SNX4: variants seen among roughly 807,000 people sequenced by gnomAD.
The protein encoded by SNX4 is sorting nexin 4, also known as sorting nexin-4.
A neutral mutation model predicts 70.8 loss-of-function variants in SNX4; 49 were observed. The observed-to-expected ratio is 0.69, with a 90% CI of 0.55 to 0.88. The LOEUF is 0.88. SNX4 is among the 40% of genes least tolerant of loss of function. The pLI is 0.00. For missense variants in SNX4, 528 were observed against 544.8 expected (o/e 0.97, Z 0.31); for synonymous variants, 206 against 183.8 (o/e 1.12, Z -0.98).
At chr3:125,466,841 T>G (rs1934035251) in intron 9 of SNX4, among the ~76,000 whole-genome samples, 1 of 151,972 alleles carries the variant, frequency 6.6e-6, no homozygotes. Context: ...TCCCAGCACT[T>G]TGGGAGGCTG....
chr3:125,515,418 T>C (rs1261881881), intron 1 of SNX4, among the ~76,000 whole-genome samples: 1 of 151,338 alleles, frequency 6.6e-6, no homozygotes, highest in African/African-American at 2.4e-5. Context: ...TCCCAGCAAT[T>C]TGGGGGGCTG....
At chr3:125,456,239 C>T (rs188117197) in intron 11 of SNX4, among the ~76,000 whole-genome samples, 167 of 152,232 alleles carry the variant, frequency 1.1e-3, no homozygotes, top group Non-Finnish European at 2.0e-3. Context: ...ATCAAAAGCT[C>T]CCTGTTAGGC....
intron 10 of SNX4, 72 bp from the exon 11 acceptor site, chr3:125,457,437 G>A (rs1933751395): frequency 3.5e-6 from 4 of 1,139,668 alleles, no homozygotes; most frequent in East Asian, 2.4e-5. Flanking sequence ...AAGGGTAGAG[G>A]AGAACCATTC....
chr3:125,487,273 A>G (rs1356566332), intron 6 of SNX4, among the ~76,000 whole-genome samples: 1 of 152,176 alleles, frequency 6.6e-6, no homozygotes, highest in Non-Finnish European at 1.5e-5. Context: ...CCTGTTACTA[A>G]TTACACAGCA....
At chr3:125,474,461 GCATGTGC>G (rs527346008) in intron 8 of SNX4, among the ~76,000 whole-genome samples, 219 of 152,018 alleles carry the variant, frequency 1.4e-3, no homozygotes, top group Non-Finnish European at 2.2e-3. Flanking sequence ...AGGACTATAG[GCATGTGC>G]CACCATGCCT....
At chr3:125,474,221 GGCAACT>G (rs537206068) in intron 8 of SNX4, among the ~76,000 whole-genome samples, 170 of 152,228 alleles carry the variant, frequency 1.1e-3, no homozygotes, top group Non-Finnish European at 2.1e-3. Context: ...ATTCTTCACT[GGCAACT>G]GCTGTAGTTC....
At chr3:125,492,262 C>T (rs1934679521) in intron 5 of SNX4, among the ~76,000 whole-genome samples, 1 of 152,162 alleles carries the variant, frequency 6.6e-6, no homozygotes, top group Non-Finnish European at 1.5e-5. Flanking sequence ...CCAGTCTGGG[C>T]CTCCCTCTGA....
rs145387134 is a variant in SNX4 at position 125,504,110 on chromosome 3, C to T, written c.263+513G>A. Among the ~76,000 whole-genome samples the T allele has an allele frequency of 1.5e-3, 227 of 152,158 alleles. No individual in the cohort carries two copies. In the East Asian group the frequency reaches 0.017, roughly 11 times the overall value. On this transcript the variant is annotated intron_variant, in intron 2 of 13. Transcript: ENST00000251775. ...CTTTGGGAGGCCGAGGCGGGTGGAT[C>T]GTTTGAGATCAGGAGTTTGAGACCA...
At chr3:125,476,470 C>T (rs1005215563) in intron 8 of SNX4, among the ~76,000 whole-genome samples, 3 of 151,972 alleles carry the variant, frequency 2.0e-5, no homozygotes, top group Non-Finnish European at 4.4e-5. Flanking sequence ...ACTGGGGAGG[C>T]TGAGGCAGGA....
intron 9 of SNX4, among the ~76,000 whole-genome samples, chr3:125,464,398 G>T (rs910243471): frequency 6.6e-6 from 1 of 150,434 alleles, no homozygotes; most frequent in African/African-American, 2.4e-5. Context: ...ACAATTATGT[G>T]TATGAGCCGA....
At chr3:125,483,956 G>A (rs1156836197) in intron 6 of SNX4, among the ~76,000 whole-genome samples, 1 of 152,164 alleles carries the variant, frequency 6.6e-6, no homozygotes, top group Non-Finnish European at 1.5e-5. Context: ...AAATATTAAA[G>A]ACTAAAAATC....
In SNX4 at chr3:125,494,033, T is replaced by C. The variant is rs558331810; in HGVS notation, c.597+3308A>G. On this transcript the variant is annotated intron_variant, in intron 5 of 13. Coordinates refer to ENST00000251775, the MANE Select transcript of SNX4 (RefSeq NM_003794.4). ...GCCGGGGCGACAGAGCAAGACTCCA[T>C]CTCAAAAAAAAAAAAAAGAAAATAT... 6.4e-3 allele frequency among the ~76,000 whole-genome samples: 646 copies of C among 101,394 alleles called. 3 individuals carry two copies. Among genetic ancestry groups the C allele is most frequent in the African/African-American group, 0.029 (607 of 21,072 alleles). The allele number at this position is 101,394 out of a possible 152,430, so 66.5% of individuals were successfully genotyped here.
intron 2 of SNX4, among the ~76,000 whole-genome samples, chr3:125,500,799 C>CAAAAAAAAAAAAAAAAAAAAAAAAAA (rs770336677): frequency 6.8e-5 from 2 of 29,316 alleles, no homozygotes; most frequent in Non-Finnish European, 5.9e-5. Flanking sequence ...GACTCCGTCT[C>CAAAAAAAAAAAAAAAAAAAAAAAAAA]AAAAAAAAAA....
At chr3:125,448,733 T>C (rs1280606037) in intron 13 of SNX4, among the ~76,000 whole-genome samples, 1 of 141,186 alleles carries the variant, frequency 7.1e-6, no homozygotes, top group Non-Finnish European at 1.5e-5. Context: ...TGGAGTGCAG[T>C]GGCGCGATCT....
intron 5 of SNX4, 44 bp from the exon 6 acceptor site, chr3:125,489,507 G>T: frequency 1.3e-6 from 2 of 1,496,110 alleles, no homozygotes; most frequent in Non-Finnish European, 1.9e-6. Flanking sequence ...ACATTTCAGG[G>T]TATAAAATTC....
rs751243460 is a variant in SNX4 at position 125,476,720 on chromosome 3, G to A, written c.763C>T (p.His255Tyr). The A allele has an allele frequency of 1.3e-6, 2 of 1,597,446 alleles. No homozygotes were observed. Among genetic ancestry groups the A allele is most frequent in the Admixed American group, 3.4e-5 (2 of 59,034 alleles). Residue 255 changes from histidine (H) to tyrosine (Y), a missense_variant, in exon 8 of 14, where the codon CAT becomes TAT. Physicochemically the swap from His to Tyr is moderately conservative, Grantham distance 83. Coordinates refer to ENST00000251775, the MANE Select transcript of SNX4 (RefSeq NM_003794.4). ...CTGAAAACTCGACCATAATTCCCAT[G>A]TACTTTATATACACCATAGAGTCGA... ...ADRLYGVYKVHGNYGRVFSEW... is the reference protein window; with the variant it reads ...ADRLYGVYKVYGNYGRVFSEW...
intron 1 of SNX4, among the ~76,000 whole-genome samples, chr3:125,507,772 A>C (rs551023165): frequency 6.6e-6 from 1 of 152,296 alleles, no homozygotes; most frequent in East Asian, 1.9e-4. Flanking sequence ...TATATCTAGC[A>C]AACTGTCCTT....
chr3:125,464,564 CTTTTTTTTTTTTTTTT>C lies in SNX4; in HGVS notation c.855-3720_855-3705del, dbSNP rs778518316. Among the ~76,000 whole-genome samples the C allele has an allele frequency of 1.9e-4, 13 of 67,056 alleles. 1 individual carries two copies. The South Asian group carries it at 2.5e-3, about 13-fold the overall frequency. 44.0% of individuals were successfully genotyped at this position (67,056 alleles called of 152,430 possible). A position where few individuals can be genotyped will look rare whatever the true frequency, so the allele number is the denominator to read the frequency against. On this transcript the variant is annotated intron_variant, in intron 9 of 13. Coordinates refer to ENST00000251775, the MANE Select transcript of SNX4 (RefSeq NM_003794.4). The stretch of plus-strand genomic sequence containing the variant: ...CTGTTCCATTGATCTATTTATCTTT[CTTTTTTTTTTTTTTTT>C]TTTTTTTTTTGAGACACAGTCTCAC...
At chr3:125,467,611 CTA>C (rs1211257539) in intron 9 of SNX4, among the ~76,000 whole-genome samples, 7 of 151,952 alleles carry the variant, frequency 4.6e-5, no homozygotes, top group African/African-American at 1.7e-4. Context: ...CTTGTTCTTG[CTA>C]TGTTTCCCAG....
Sources: allele counts gnomAD v4.1 joint callset (sites outside exome capture counted in the v4.1 genomes callset), GRCh38; gene constraint gnomAD v4.1.1; transcripts MANE v1.5; gene names NCBI Gene and HGNC (gene_info 2026-07-23, HGNC 2026-07-21).